Variants in ZNF407 observed in about 807,000 individuals in gnomAD.
ZNF407 encodes zinc finger protein 407.
ZNF407 carries 17 observed loss-of-function variants against 131.2 expected under a neutral mutation model. That is an observed-to-expected ratio of 0.13 (90% CI 0.09 to 0.19). The LOEUF (loss-of-function observed/expected upper bound fraction) is 0.19, where lower values mean the gene tolerates loss of function less well. Ranked by LOEUF, ZNF407 falls within the 10% of genes least tolerant of loss-of-function variation. The probability of loss-of-function intolerance (pLI) is 1.00; values close to 1 mark genes in which losing one functional copy is unlikely to be tolerated. For synonymous variants in ZNF407, 1,156 were observed against 1,062.0 expected (o/e 1.09, Z -1.72); for missense variants, 2,681 against 2,830.6 (o/e 0.95, Z 1.20).
At chr18:74,925,989 T>C (rs1971908238) in intron 8 of ZNF407, among the ~76,000 whole-genome samples, 1 of 152,250 alleles carries the variant, frequency 6.6e-6, no homozygotes, top group Non-Finnish European at 1.5e-5. Context: ...TGTTTTCCAG[T>C]GTCCTGATAC....
At chr18:74,701,156 A>G (rs995105745) in intron 3 of ZNF407, among the ~76,000 whole-genome samples, 1 of 152,134 alleles carries the variant, frequency 6.6e-6, no homozygotes, top group African/African-American at 2.4e-5. Flanking sequence ...CCAGGCTTGC[A>G]GATGGTGGTC....
intron 6 of ZNF407, among the ~76,000 whole-genome samples, chr18:74,881,950 CAA>C (rs770679316): frequency 2.2e-4 from 33 of 152,286 alleles, no homozygotes; most frequent in Middle Eastern, 3.4e-3. Context: ...TGGCGACAGA[CAA>C]GAGAAGAGAG....
At chr18:74,714,556 T>C (rs1034868580) in intron 3 of ZNF407, among the ~76,000 whole-genome samples, 2 of 152,258 alleles carry the variant, frequency 1.3e-5, no homozygotes, top group African/African-American at 4.8e-5. Context: ...CTTGTTAATA[T>C]CTTCCTTGTT....
chr18:74,783,017 T>G (rs754562125), intron 4 of ZNF407, among the ~76,000 whole-genome samples: 1 of 152,208 alleles, frequency 6.6e-6, no homozygotes, highest in Non-Finnish European at 1.5e-5. Flanking sequence ...TATACTATAT[T>G]TTTAAAAGAA....
chr18:74,823,355 A>G (rs1412568114), intron 4 of ZNF407, among the ~76,000 whole-genome samples: 3 of 152,220 alleles, frequency 2.0e-5, no homozygotes, highest in Non-Finnish European at 4.4e-5. Flanking sequence ...AAATTCACAC[A>G]TAACAATATT....
intron 8 of ZNF407, among the ~76,000 whole-genome samples, chr18:74,972,139 T>G (rs1972479895): frequency 6.6e-6 from 1 of 152,152 alleles, no homozygotes; most frequent in African/African-American, 2.4e-5. Flanking sequence ...GAGATACAAT[T>G]CAAGTTGAGA....
chr18:74,781,319 G>T, intron 3 of ZNF407, 109 bp from the exon 4 acceptor site: 1 of 768,822 alleles, frequency 1.3e-6, no homozygotes, highest in Non-Finnish European at 2.1e-6. Context: ...ACTGTAATAC[G>T]CTTTTTATGT....
intron 3 of ZNF407, among the ~76,000 whole-genome samples, chr18:74,763,923 C>A (rs988603141): frequency 1.3e-5 from 2 of 151,550 alleles, no homozygotes; most frequent in Non-Finnish European, 2.9e-5. Flanking sequence ...CCGTGTTAGC[C>A]AGGATGGTCT....
At chr18:74,995,571 C>G (rs1048414819) in intron 8 of ZNF407, among the ~76,000 whole-genome samples, 4 of 152,180 alleles carry the variant, frequency 2.6e-5, no homozygotes, top group East Asian at 1.9e-4. Flanking sequence ...AGCTCTGTCT[C>G]ACTGTGCATT....
intron 8 of ZNF407, among the ~76,000 whole-genome samples, chr18:75,032,391 G>T (rs1973251773): frequency 6.6e-6 from 1 of 152,142 alleles, no homozygotes; most frequent in Non-Finnish European, 1.5e-5. Flanking sequence ...TGTTGACTGT[G>T]CACTGCCCTC....
chr18:74,678,706 C>T (rs535369401), intron 3 of ZNF407, among the ~76,000 whole-genome samples: 2 of 152,222 alleles, frequency 1.3e-5, no homozygotes, highest in South Asian at 2.1e-4. Context: ...CAAATTGCCT[C>T]GTTTGAAATT....
intron 8 of ZNF407, among the ~76,000 whole-genome samples, chr18:74,957,270 G>T (rs1250143668): frequency 6.6e-6 from 1 of 152,124 alleles, no homozygotes; most frequent in Non-Finnish European, 1.5e-5. Context: ...CTACCATGGG[G>T]GCAACCGGCA....
intron 4 of ZNF407, among the ~76,000 whole-genome samples, chr18:74,805,601 G>A (rs1970097025): frequency 6.6e-6 from 1 of 152,140 alleles, no homozygotes; most frequent in Non-Finnish European, 1.5e-5. Flanking sequence ...ATATAAGAAT[G>A]TTATCAATAC....
chr18:74,924,951 A>T (rs1207075426), intron 8 of ZNF407, among the ~76,000 whole-genome samples: 1 of 152,178 alleles, frequency 6.6e-6, no homozygotes, highest in Non-Finnish European at 1.5e-5. Flanking sequence ...TTCTGAGCCT[A>T]TGAGCAGTGC....
intron 4 of ZNF407, among the ~76,000 whole-genome samples, chr18:74,805,608 A>G (rs938432043): frequency 6.6e-6 from 1 of 152,230 alleles, no homozygotes; most frequent in Non-Finnish European, 1.5e-5. Flanking sequence ...AATGTTATCA[A>G]TACATTTATG....
chr18:74,901,438 T>C (rs559768176), intron 7 of ZNF407, among the ~76,000 whole-genome samples: 1 of 152,344 alleles, frequency 6.6e-6, no homozygotes, highest in South Asian at 2.1e-4. Flanking sequence ...ATGGTAGAAA[T>C]AATCACCACA....
At chr18:74,826,996 T>A (rs1297366151) in intron 4 of ZNF407, among the ~76,000 whole-genome samples, 1 of 152,216 alleles carries the variant, frequency 6.6e-6, no homozygotes, top group African/African-American at 2.4e-5. Flanking sequence ...CATTCAGGTT[T>A]CCCCTGTCCC....
At chr18:74,663,771 G>T (rs909343704) in intron 3 of ZNF407, among the ~76,000 whole-genome samples, 5 of 152,194 alleles carry the variant, frequency 3.3e-5, no homozygotes, top group African/African-American at 1.2e-4. Flanking sequence ...AAGATCTATT[G>T]AGAGATTTTA....
At chr18:74,619,299 T>C (rs1983429248) in intron 1 of ZNF407, among the ~76,000 whole-genome samples, 1 of 152,246 alleles carries the variant, frequency 6.6e-6, no homozygotes, top group Non-Finnish European at 1.5e-5. Context: ...TTGCCCTGTG[T>C]CCTACAGCTT....
Sources: gnomAD v4.1 joint callset for allele counts (sites outside exome capture counted in the v4.1 genomes callset) on GRCh38, gnomAD v4.1.1 for gene constraint, MANE v1.5 for transcripts, NCBI Gene and HGNC (gene_info 2026-07-23, HGNC 2026-07-21) for gene names.